SLC1A1: variants seen among roughly 807,000 people sequenced by gnomAD.
SLC1A1 encodes excitatory amino acid transporter 3.
SLC1A1 carries 43 observed loss-of-function variants against 53.3 expected under a neutral mutation model. The ratio of observed to expected loss-of-function variants is 0.81; its 90% CI spans 0.63 to 1.04. The LOEUF is 1.04. SLC1A1 is among the 50% of genes least tolerant of loss of function. The probability of loss-of-function intolerance (pLI) is 0.00; values close to 1 mark genes in which losing one functional copy is unlikely to be tolerated. For synonymous variants in SLC1A1, 307 were observed against 243.2 expected, an observed-to-expected ratio of 1.26 and a Z score of -2.44; for missense variants, 748 against 664.9, an observed-to-expected ratio of 1.12 and a Z score of -1.37.
At chr9:4,544,765 A>C (rs1385590170) in intron 2 of SLC1A1, 58 bp downstream of exon 2, 1 of 1,327,754 alleles carries the variant, frequency 7.5e-7, no homozygotes, top group Non-Finnish European at 1.1e-6. Context: ...GCTGTAAAGA[A>C]CTTCCTGAGA....
In SLC1A1 at chr9:4,575,996, T is replaced by G. The variant is rs1316124401; in HGVS notation, c.876-5T>G. The G allele has an allele frequency of 3.1e-6, 5 of 1,614,022 alleles. No individual in the cohort carries two copies. In the South Asian group the frequency reaches 3.3e-5, roughly 11 times the overall value. On this transcript the variant is annotated splice_polypyrimidine_tract_variant and splice_region_variant and intron_variant, in intron 8 of 11. Transcript: ENST00000262352. ...GAAACTTTAATTTCTCTTTCTTGTTTACAGGCTTGCAATCCACTCCATTGT... is the reference window on the plus strand; with the variant it reads ...GAAACTTTAATTTCTCTTTCTTGTTGACAGGCTTGCAATCCACTCCATTGT...
chr9:4,540,057 G>A (rs1160596152), intron 1 of SLC1A1, among the ~76,000 whole-genome samples: 4 of 152,048 alleles, frequency 2.6e-5, no homozygotes, highest in Non-Finnish European at 4.4e-5. Context: ...AACCACCCAT[G>A]GCCCTCCTGC....
intron 1 of SLC1A1, among the ~76,000 whole-genome samples, chr9:4,523,791 C>G (rs941004854): frequency 1.3e-5 from 2 of 152,186 alleles, no homozygotes. Context: ...ATTTTAAAAT[C>G]TCCTAATGAC....
At chr9:4,502,071 T>C (rs1419458357) in intron 1 of SLC1A1, among the ~76,000 whole-genome samples, 1 of 151,572 alleles carries the variant, frequency 6.6e-6, no homozygotes, top group Admixed American at 6.6e-5. Flanking sequence ...CTGAGCCACT[T>C]AGCAGGTTTC....
chr9:4,550,727 A>G (rs1376357670), intron 2 of SLC1A1, among the ~76,000 whole-genome samples: 1 of 152,214 alleles, frequency 6.6e-6, no homozygotes, highest in Non-Finnish European at 1.5e-5. Flanking sequence ...AAAGCCTTAT[A>G]AAACCTTAGG....
In SLC1A1 at chr9:4,537,288, G is replaced by A. The variant is rs1344957926; in HGVS notation, c.92-7279G>A. On this transcript the variant is annotated intron_variant, in intron 1 of 11. Transcript: ENST00000262352. ...AAAAAAATCACATGCGGCCGGGCGC[G>A]GTGGCTCACGCCTGTAATCCCAGCA... Among the ~76,000 whole-genome samples the A allele has an allele frequency of 1.6e-4, 6 of 38,112 alleles. 2 individuals are homozygous for A. In the Admixed American group the frequency reaches 1.7e-3, roughly 11 times the overall value. The allele number at this position is 38,112 out of a possible 152,430, so 25.0% of individuals were successfully genotyped here. A position where few individuals can be genotyped will look rare whatever the true frequency, so the allele number is the denominator to read the frequency against.
intron 6 of SLC1A1, among the ~76,000 whole-genome samples, chr9:4,571,867 T>C (rs1279771321): frequency 6.6e-6 from 1 of 152,122 alleles, no homozygotes; most frequent in African/African-American, 2.4e-5. Flanking sequence ...ACTCCAAATG[T>C]AGCTAGCAGT....
At chr9:4,517,412 C>T (rs765924734) in intron 1 of SLC1A1, among the ~76,000 whole-genome samples, 9 of 152,198 alleles carry the variant, frequency 5.9e-5, no homozygotes, top group Non-Finnish European at 1.0e-4. Context: ...GAGCAGCGTC[C>T]TCTCTTTGAC....
chr9:4,567,403 A>G (rs1456472485), intron 5 of SLC1A1, among the ~76,000 whole-genome samples: 1 of 152,188 alleles, frequency 6.6e-6, no homozygotes, highest in African/African-American at 2.4e-5. Flanking sequence ...TCTTCTATCA[A>G]CTTGTCGTTT....
intron 2 of SLC1A1, chr9:4,553,377 T>TG (rs1478193821): frequency 6.6e-6 from 1 of 151,304 alleles, no homozygotes; most frequent in African/African-American, 2.5e-5. Context: ...TTTTTTTTTT[T>TG]TTTTTTTTGA....
intron 1 of SLC1A1, among the ~76,000 whole-genome samples, chr9:4,518,755 C>T (rs114857722): frequency 0.017 from 2,565 of 152,296 alleles, 57 homozygotes; most frequent in African/African-American, 0.058. Context: ...CCTTTCAGCA[C>T]TGATGGCTCC....
intron 1 of SLC1A1, among the ~76,000 whole-genome samples, chr9:4,522,040 CTCTTTTTTTTTT>C (rs1371391484): frequency 7.7e-6 from 1 of 129,160 alleles, no homozygotes; most frequent in Non-Finnish European, 1.6e-5. Flanking sequence ...CAGAACCTGC[CTCTTTTTTTTTT>C]TCTTTTTTTT....
At chr9:4,516,330 G>C (rs1048820051) in intron 1 of SLC1A1, among the ~76,000 whole-genome samples, 1 of 152,170 alleles carries the variant, frequency 6.6e-6, no homozygotes, top group Non-Finnish European at 1.5e-5. Flanking sequence ...ATTTGAGCAA[G>C]CAGTTGAAAT....
Position 4,573,916 on chromosome 9 carries a change from A to G in SLC1A1, c.777A>G (p.Pro259=). The change falls in exon 8 of 12, where the codon CCA becomes CCG. Residue 259 remains proline, a synonymous_variant. Transcript: ENST00000262352. ...KIVQIIMCYM[P]LGILFLIAGK... ...TGTGCTTCCTTTCCAGTTATATGCC[A>G]CTAGGTATTTTGTTCCTGATTGCTG... 1 of 1,607,244 alleles carries G rather than the reference A, an allele frequency of 6.2e-7. No homozygotes were observed. Among genetic ancestry groups the G allele is most frequent in the Non-Finnish European group, 8.5e-7 (1 of 1,173,714 alleles).
intron 1 of SLC1A1, among the ~76,000 whole-genome samples, chr9:4,520,986 CTTA>C (rs919723866): frequency 1.3e-5 from 2 of 152,144 alleles, no homozygotes; most frequent in Non-Finnish European, 2.9e-5. Context: ...AAAGTAACAT[CTTA>C]TTGTGGTTTT....
At position 4,521,666 on chromosome 9, in the gene SLC1A1, A is replaced by T. The variant is rs770168096; in HGVS notation, c.92-22901A>T. Among the ~76,000 whole-genome samples the T allele has an allele frequency of 4.1e-4, 63 of 152,138 alleles. 1 individual carries two copies. Among genetic ancestry groups the T allele is most frequent in the Admixed American group, 3.1e-3 (47 of 15,276 alleles). ...GAGACGGTATGGTAAGAAGCTTTAT[A>T]ATGGCTGGCTAGTGTCATTTTCCCT... On this transcript the variant is annotated intron_variant, in intron 1 of 11. Transcript: ENST00000262352.
At chr9:4,491,023 G>T (rs1237268274) in intron 1 of SLC1A1, among the ~76,000 whole-genome samples, 1 of 152,222 alleles carries the variant, frequency 6.6e-6, no homozygotes, top group Non-Finnish European at 1.5e-5. Flanking sequence ...TACCCAAAAT[G>T]ATCAAAGGGG....
At chr9:4,577,153 G>A (rs1001374694) in intron 10 of SLC1A1, among the ~76,000 whole-genome samples, 2 of 152,232 alleles carry the variant, frequency 1.3e-5, no homozygotes, top group Non-Finnish European at 2.9e-5. Context: ...GGACTCCAGA[G>A]AGGGAAGGGC....
chr9:4,501,536 G>A (rs1820631707), intron 1 of SLC1A1, among the ~76,000 whole-genome samples: 1 of 151,540 alleles, frequency 6.6e-6, no homozygotes, highest in Admixed American at 6.6e-5. Flanking sequence ...AGGCCGAGGT[G>A]GGCAGATCAC....
Sources: gnomAD v4.1 joint callset for allele counts (sites outside exome capture counted in the v4.1 genomes callset) on GRCh38, gnomAD v4.1.1 for gene constraint, MANE v1.5 for transcripts, NCBI Gene and HGNC (gene_info 2026-07-23, HGNC 2026-07-21) for gene names.